Variants in MACROD2 observed in about 807,000 individuals in gnomAD.
MACROD2 encodes ADP-ribose glycohydrolase MACROD2.
Under a neutral mutation model 70.4 loss-of-function variants are expected in MACROD2, and 36 were observed. The ratio of observed to expected loss-of-function variants is 0.51; its 90% CI spans 0.39 to 0.68. MACROD2 has a LOEUF of 0.68. Ranked by LOEUF, MACROD2 falls within the 30% of genes least tolerant of loss-of-function variation. MACROD2 has a pLI of 0.00. For missense variants in MACROD2, 496 were observed against 538.4 expected (o/e 0.92, Z 0.78); for synonymous variants, 172 against 178.8 (o/e 0.96, Z 0.30).
At chr20:15,183,495 C>T (rs1283022179) in intron 5 of MACROD2, among the ~76,000 whole-genome samples, 1 of 149,748 alleles carries the variant, frequency 6.7e-6, no homozygotes, top group East Asian at 1.9e-4. Context: ...GAACAAGACC[C>T]TGTCTCTTAA....
intron 6 of MACROD2, among the ~76,000 whole-genome samples, chr20:15,287,753 A>G (rs1176882347): frequency 6.6e-6 from 1 of 152,220 alleles, no homozygotes; most frequent in Non-Finnish European, 1.5e-5. Context: ...TAAGTTTTGA[A>G]CAATTAGAGT....
At chr20:14,781,211 A>C (rs1393978957) in intron 5 of MACROD2, among the ~76,000 whole-genome samples, 3 of 151,884 alleles carry the variant, frequency 2.0e-5, no homozygotes, top group Non-Finnish European at 4.4e-5. Context: ...CCCCACCTCA[A>C]ACCTCTGGTA....
At chr20:15,311,511 A>T (rs1013750880) in intron 6 of MACROD2, among the ~76,000 whole-genome samples, 3 of 152,184 alleles carry the variant, frequency 2.0e-5, no homozygotes, top group African/African-American at 7.2e-5. Flanking sequence ...CTATTCACAA[A>T]AGTAAAGACA....
At chr20:14,484,561 A>G (rs2084700053) in intron 3 of MACROD2, among the ~76,000 whole-genome samples, 1 of 152,138 alleles carries the variant, frequency 6.6e-6, no homozygotes, top group Non-Finnish European at 1.5e-5. Flanking sequence ...TTTACCCATT[A>G]ACTATCCCCA....
intron 6 of MACROD2, among the ~76,000 whole-genome samples, chr20:15,316,055 T>C (rs2077806695): frequency 6.8e-6 from 1 of 147,722 alleles, no homozygotes; most frequent in African/African-American, 2.5e-5. Flanking sequence ...AAAATATCTT[T>C]AAAAAACACA....
At chr20:15,739,042 C>A (rs567069737) in intron 8 of MACROD2, among the ~76,000 whole-genome samples, 1 of 151,970 alleles carries the variant, frequency 6.6e-6, no homozygotes, top group African/African-American at 2.4e-5. Context: ...ATGATAATTT[C>A]GAGCTAGGAT....
chr20:15,758,934 G>A (rs1205260068), intron 8 of MACROD2, among the ~76,000 whole-genome samples: 1 of 152,070 alleles, frequency 6.6e-6, no homozygotes, highest in Admixed American at 6.5e-5. Context: ...TGCCTCACAA[G>A]GTCAGGAGTT....
intron 6 of MACROD2, among the ~76,000 whole-genome samples, chr20:15,234,009 A>ATTTTTTTTTTTTTTTT (rs1342277075): frequency 1.0e-4 from 4 of 39,996 alleles, no homozygotes; most frequent in South Asian, 1.1e-3. Context: ...ATATATATAT[A>ATTTTTTTTTTTTTTTT]TTCTTTTTTT....
rs1555913500 is a variant in MACROD2 at position 14,049,183 on chromosome 20, A to AAAC, written c.164-36436_164-36435insCAA. Among the ~76,000 whole-genome samples the AAAC allele has an allele frequency of 4.5e-4, 66 of 146,160 alleles. No homozygotes were observed. The South Asian group carries it at 5.0e-3, about 11-fold the overall frequency. ...CTAAAAATATATTTAATAAAAAAAAAAAAAAACAAAAAAACAAAAAAGCCT... is the reference window on the plus strand; with the variant it reads ...CTAAAAATATATTTAATAAAAAAAAAAACAAAAAACAAAAAAACAAAAAAGCCT... On this transcript the variant is annotated intron_variant, in intron 2 of 17. Coordinates refer to ENST00000684519, the MANE Select transcript of MACROD2 (RefSeq NM_001351661.2).
chr20:14,504,952 TA>T (rs778293471), intron 4 of MACROD2, among the ~76,000 whole-genome samples: 1 of 152,332 alleles, frequency 6.6e-6, no homozygotes, highest in South Asian at 2.1e-4. Context: ...CAATATTGTT[TA>T]AAAATGTTGC....
intron 8 of MACROD2, among the ~76,000 whole-genome samples, chr20:15,706,733 C>A (rs1423680682): frequency 1.3e-5 from 2 of 152,204 alleles, no homozygotes; most frequent in Non-Finnish European, 2.9e-5. Flanking sequence ...TCCAGTTTAA[C>A]AATCCAGTCC....
chr20:15,563,673 G>C (rs2048274234), intron 8 of MACROD2, among the ~76,000 whole-genome samples: 1 of 152,182 alleles, frequency 6.6e-6, no homozygotes. Flanking sequence ...TTAACAGAGT[G>C]TGGTATGGAT....
At chr20:15,674,750 TG>T (rs1568967281) in intron 8 of MACROD2, among the ~76,000 whole-genome samples, 2 of 126,162 alleles carry the variant, frequency 1.6e-5, no homozygotes, top group Non-Finnish European at 3.4e-5. Flanking sequence ...TATGTGTGTG[TG>T]TGTTGTGTGT....
chr20:14,958,136 A>G (rs2074553243), intron 5 of MACROD2, among the ~76,000 whole-genome samples: 1 of 152,122 alleles, frequency 6.6e-6, no homozygotes, highest in Non-Finnish European at 1.5e-5. Flanking sequence ...ACTCACTTAT[A>G]TTTGTCTGTT....
intron 17 of MACROD2, 108 bp from the exon 18 acceptor site, chr20:16,049,722 T>G: frequency 1.9e-6 from 2 of 1,080,950 alleles, no homozygotes; most frequent in Non-Finnish European, 2.8e-6. Flanking sequence ...TCTGGGCCTA[T>G]GTGAGGGGTG....
At chr20:15,100,700 T>A (rs1042213975) in intron 5 of MACROD2, among the ~76,000 whole-genome samples, 3 of 152,226 alleles carry the variant, frequency 2.0e-5, no homozygotes, top group African/African-American at 2.4e-5. Context: ...TATTAAAGCC[T>A]AAGCCTTTCA....
intron 9 of MACROD2, among the ~76,000 whole-genome samples, chr20:15,865,676 C>T (rs950721258): frequency 1.6e-4 from 24 of 152,132 alleles, no homozygotes; most frequent in African/African-American, 5.8e-4. Context: ...AGGGGAGACA[C>T]AGCGAGGAAG....
chr20:15,433,121 G>A (rs905661604), intron 7 of MACROD2, among the ~76,000 whole-genome samples: 5 of 151,938 alleles, frequency 3.3e-5, no homozygotes, highest in Admixed American at 2.0e-4. Context: ...AAAGTTAAAA[G>A]CATTCCCCAT....
At chr20:14,952,829 C>A (rs1568894054) in intron 5 of MACROD2, among the ~76,000 whole-genome samples, 1 of 151,988 alleles carries the variant, frequency 6.6e-6, no homozygotes. Flanking sequence ...CTAAAATCAT[C>A]CTTTTTAAAG....
Sources: gnomAD v4.1 joint callset for allele counts (sites outside exome capture counted in the v4.1 genomes callset) on GRCh38, gnomAD v4.1.1 for gene constraint, MANE v1.5 for transcripts, NCBI Gene and HGNC (gene_info 2026-07-23, HGNC 2026-07-21) for gene names.